Variants in CAPN8 observed in about 807,000 individuals in gnomAD.
The protein encoded by CAPN8 is calpain-8.
A neutral mutation model predicts 80.9 loss-of-function variants in CAPN8; 87 were observed. The ratio of observed to expected loss-of-function variants is 1.07; its 90% CI spans 0.90 to 1.28. The LOEUF (loss-of-function observed/expected upper bound fraction) is 1.28, where lower values mean the gene tolerates loss of function less well. Ranked by LOEUF, CAPN8 falls within the 50% of genes most tolerant of loss-of-function variation. CAPN8 has a pLI of 0.00. For missense variants in CAPN8, 757 were observed against 702.0 expected, an observed-to-expected ratio of 1.08 and a Z score of -0.89; for synonymous variants, 299 against 273.8, an observed-to-expected ratio of 1.09 and a Z score of -0.91.
chr1:223,543,855 C>T lies in CAPN8; in HGVS notation c.2029+212G>A, dbSNP rs141622788. Among the ~76,000 whole-genome samples the T allele has an allele frequency of 4.6e-3, 700 of 152,350 alleles. 6 individuals carry two copies. Among genetic ancestry groups the T allele is most frequent in the African/African-American group, 0.016 (669 of 41,590 alleles). ...TTAAGTCTCCAAAAAAGGCATCCTC[C>T]GTCCTGGATCTGGCCAGCCTGGACT... On this transcript the variant is annotated intron_variant, in intron 19 of 20. Coordinates refer to ENST00000366872, the MANE Select transcript of CAPN8 (RefSeq NM_001143962.2).
chr1:223,657,491 G>T (rs558890388), intron 1 of CAPN8, among the ~76,000 whole-genome samples: 1 of 152,276 alleles, frequency 6.6e-6, no homozygotes, highest in South Asian at 2.1e-4. Context: ...TCTTGGCTGG[G>T]CATGGTGACT....
At chr1:223,543,821 G>A (rs1033327127) in intron 19 of CAPN8, among the ~76,000 whole-genome samples, 13 of 152,338 alleles carry the variant, frequency 8.5e-5, no homozygotes, top group African/African-American at 2.4e-4. Flanking sequence ...AGTCTGGATG[G>A]CAGCTTTGTT....
At chr1:223,654,278 C>A in intron 2 of CAPN8, 52 bp downstream of exon 2, 1 of 1,462,094 alleles carries the variant, frequency 6.8e-7, no homozygotes. Context: ...ACTCATGACA[C>A]ATACACACCC....
chr1:223,625,666 G>A (rs1162350825), intron 6 of CAPN8, 139 bp downstream of exon 6: 6 of 655,532 alleles, frequency 9.2e-6, no homozygotes, highest in Non-Finnish European at 1.4e-5. Context: ...CAGGCAGAGT[G>A]CATCCCAATA....
chr1:223,646,937 A>C (rs772737934), intron 2 of CAPN8, among the ~76,000 whole-genome samples: 1 of 152,172 alleles, frequency 6.6e-6, no homozygotes, highest in Non-Finnish European at 1.5e-5. Flanking sequence ...ACACTCTAGG[A>C]CTTGATCTTC....
chr1:223,638,458 G>A (rs893411222), intron 2 of CAPN8, among the ~76,000 whole-genome samples: 1 of 152,058 alleles, frequency 6.6e-6, no homozygotes, highest in East Asian at 1.9e-4. Context: ...TGTAACAGCA[G>A]GTATGATATT....
intron 1 of CAPN8, among the ~76,000 whole-genome samples, chr1:223,657,744 C>T (rs1359142190): frequency 6.6e-6 from 1 of 152,114 alleles, no homozygotes; most frequent in Non-Finnish European, 1.5e-5. Flanking sequence ...TTAGCCTGGG[C>T]AACAGAGTGA....
At chr1:223,547,647 A>G (rs1208317505) in intron 16 of CAPN8, among the ~76,000 whole-genome samples, 1 of 152,166 alleles carries the variant, frequency 6.6e-6, no homozygotes, top group African/African-American at 2.4e-5. Flanking sequence ...TTATTTTTTT[A>G]AGGATTCCAT....
intron 1 of CAPN8, among the ~76,000 whole-genome samples, chr1:223,664,339 C>G (rs1269341840): frequency 6.6e-6 from 1 of 152,226 alleles, no homozygotes; most frequent in South Asian, 2.1e-4. Context: ...CACAATTTAC[C>G]TGCCAGCTGA....
At chr1:223,620,967 T>A (rs1393935195) in intron 7 of CAPN8, among the ~76,000 whole-genome samples, 4 of 147,128 alleles carry the variant, frequency 2.7e-5, no homozygotes, top group Admixed American at 6.7e-5. Context: ...GATCCATCTT[T>A]AAAAAAAAAA....
chr1:223,656,684 T>TG (rs1461355249), intron 1 of CAPN8, among the ~76,000 whole-genome samples: 3 of 128,174 alleles, frequency 2.3e-5, no homozygotes, highest in African/African-American at 9.9e-5. Context: ...TTGTTTTGTT[T>TG]TTTTTTTTTT....
chr1:223,623,454 GA>G (rs1236080131), intron 6 of CAPN8, among the ~76,000 whole-genome samples: 1 of 152,102 alleles, frequency 6.6e-6, no homozygotes, highest in Non-Finnish European at 1.5e-5. Context: ...CGCAGGCCAG[GA>G]ACTCAGGCAG....
rs147849228 is a variant in CAPN8, at chr1:223,650,815, T to C, written c.307+3515A>G. 3.4e-4 allele frequency among the ~76,000 whole-genome samples: 52 copies of C among 152,244 alleles called. 1 individual carries two copies. The highest frequency in any genetic ancestry group is 8.3e-4 in the South Asian group (4 of 4,812). ...GTTGATATATGGGTATGACTTACTA[T>C]AAGGGGGTGCACAAAGCCAGAAATG... On this transcript the variant is annotated intron_variant, in intron 2 of 20. Transcript: ENST00000366872.
chr1:223,653,447 C>A (rs1168772586), intron 2 of CAPN8, among the ~76,000 whole-genome samples: 1 of 151,714 alleles, frequency 6.6e-6, no homozygotes, highest in Non-Finnish European at 1.5e-5. Flanking sequence ...AAAGAGAAAA[C>A]CTCCTGAAAA....
chr1:223,628,933 G>A (rs754578943), intron 2 of CAPN8, 153 bp from the exon 3 acceptor site: 37 of 606,538 alleles, frequency 6.1e-5, no homozygotes, highest in East Asian at 2.2e-4. Context: ...AAATGCACCC[G>A]CAGCCATCAG....
chr1:223,660,276 C>T (rs1436848253), intron 1 of CAPN8, among the ~76,000 whole-genome samples: 1 of 152,180 alleles, frequency 6.6e-6, no homozygotes, highest in Admixed American at 6.5e-5. Flanking sequence ...CTGCACTGCA[C>T]CAGGGCCTGC....
intron 2 of CAPN8, among the ~76,000 whole-genome samples, chr1:223,643,890 C>T (rs998455484): frequency 1.9e-4 from 29 of 152,154 alleles, no homozygotes; most frequent in African/African-American, 5.3e-4. Flanking sequence ...CTGTCCAGCG[C>T]GTACAGTACT....
Position 223,659,555 on chromosome 1 carries a change from G to A in CAPN8, c.238-5156C>T, listed in dbSNP as rs188525783. On this transcript the variant is annotated intron_variant, in intron 1 of 20. Transcript: ENST00000366872. ...GCGCCTTCTCTTCAGTCTCTATCCC[G>A]ATTCTCTTCCACCAACAATCCCAAC... Among the ~76,000 whole-genome samples, 12 of 152,004 alleles carry A rather than the reference G, an allele frequency of 7.9e-5. No individual in the cohort carries two copies. In the South Asian group the frequency reaches 2.1e-3, roughly 26 times the overall value.
At chr1:223,645,508 A>G (rs1448852932) in intron 2 of CAPN8, among the ~76,000 whole-genome samples, 2 of 152,230 alleles carry the variant, frequency 1.3e-5, no homozygotes, top group African/African-American at 4.8e-5. Flanking sequence ...AAAACAAGTC[A>G]GAGAAAATGG....
Sources: gnomAD v4.1 joint callset for allele counts (sites outside exome capture counted in the v4.1 genomes callset) on GRCh38, gnomAD v4.1.1 for gene constraint, MANE v1.5 for transcripts, NCBI Gene and HGNC (gene_info 2026-07-23, HGNC 2026-07-21) for gene names.